CEP44: variants seen among roughly 807,000 people sequenced by gnomAD.
The protein encoded by CEP44 is centrosomal protein of 44 kDa.
In CEP44, 45 loss-of-function variants were observed where a neutral mutation model predicts 46.7. That is an observed-to-expected ratio of 0.96 (90% CI 0.76 to 1.24). The LOEUF (loss-of-function observed/expected upper bound fraction) is 1.24, where lower values mean the gene tolerates loss of function less well. Among genes scored for constraint, CEP44 ranks in the 50% most tolerant of loss-of-function variants. The probability of loss-of-function intolerance (pLI) is 0.00; values close to 1 mark genes in which losing one functional copy is unlikely to be tolerated. For missense variants in CEP44, 475 were observed against 459.7 expected, an observed-to-expected ratio of 1.03 and a Z score of -0.30; for synonymous variants, 142 against 146.0, an observed-to-expected ratio of 0.97 and a Z score of 0.20.
At chr4:174,327,154 C>T (rs938321664) in intron 8 of CEP44, among the ~76,000 whole-genome samples, 2 of 143,188 alleles carry the variant, frequency 1.4e-5, no homozygotes, top group South Asian at 2.2e-4. Context: ...TGTGTGTATA[C>T]GTGTGTGTGT....
chr4:174,316,772 C>A, intron 11 of CEP44: 5 of 404,382 alleles, frequency 1.2e-5, no homozygotes, highest in South Asian at 5.1e-5. Context: ...TTCCAACAAG[C>A]GATTTAAAAC....
chr4:174,302,227 T>G (rs1323474270), intron 4 of CEP44, 41 bp downstream of exon 4: 1 of 1,330,918 alleles, frequency 7.5e-7, no homozygotes, highest in Non-Finnish European at 1.1e-6. Context: ...AGTTATTGAA[T>G]GATTTTTAAA....
chr4:174,303,075 C>A (rs987574632), intron 4 of CEP44, among the ~76,000 whole-genome samples: 1 of 152,122 alleles, frequency 6.6e-6, no homozygotes, highest in Non-Finnish European at 1.5e-5. Flanking sequence ...CCACCGCACC[C>A]AGCCTCAAAT....
Position 174,317,394 on chromosome 4 carries a change from A to G in CEP44, c.*11A>G, listed in dbSNP as rs779956524. ...AATCACTACTTGTAGGATTTTCTAC[A>G]TGAACTTTTTTCTAGGACTTTGGTT... On this transcript the variant is annotated 3_prime_UTR_variant, in exon 12 of 12. Transcript: ENST00000503780. 3 of 1,417,026 alleles carry G rather than the reference A, an allele frequency of 2.1e-6. No homozygotes were observed. The highest frequency in any genetic ancestry group is 2.5e-5 in the East Asian group (1 of 40,076). The allele number at this position is 1,417,026 out of a possible 1,614,324, so 87.8% of individuals were successfully genotyped here. A position where few individuals can be genotyped will look rare whatever the true frequency, so the allele number is the denominator to read the frequency against.
downstream of CEP44, among the ~76,000 whole-genome samples, chr4:174,323,175 C>A (rs978134958): frequency 6.6e-6 from 1 of 151,848 alleles, no homozygotes; most frequent in Admixed American, 6.6e-5. Flanking sequence ...TCACAGATAT[C>A]ACAGGAAATT....
intron 6 of CEP44, among the ~76,000 whole-genome samples, chr4:174,307,812 C>T (rs1740605534): frequency 6.6e-6 from 1 of 152,216 alleles, no homozygotes; most frequent in African/African-American, 2.4e-5. Context: ...TGAACATCTA[C>T]TTCTGAAGAG....
rs757092840 is a variant in CEP44, at chr4:174,288,795, G to A, written c.-148+4852G>A. ...TTAAAATACTACGCTGAATAGGAGA[G>A]GCTAAAGTAGGCAACCTTGCCTTGT... is the stretch of plus-strand genomic sequence containing the variant. On this transcript the variant is annotated intron_variant, in intron 1 of 11. Coordinates refer to ENST00000503780, the MANE Select transcript of CEP44 (RefSeq NM_001040157.3). The surrounding 1 kb of genome is among the most constrained non-coding windows in gnomAD (Gnocchi z 4.6). 6.6e-6 allele frequency among the ~76,000 whole-genome samples: 1 copy of A among 152,086 alleles called. No homozygotes were observed. Among genetic ancestry groups the A allele is most frequent in the Non-Finnish European group, 1.5e-5 (1 of 67,986 alleles).
At position 174,319,627 on chromosome 4, in the gene CEP44, A is replaced by G; in HGVS notation, c.*2244A>G. On this transcript the variant is annotated 3_prime_UTR_variant, in exon 12 of 12. Transcript: ENST00000503780. ...TACAGTGTGCAAAATATAAGTAAGT[A>G]TATATTGAAAATATAAAATATTTCA... 9.1e-6 allele frequency: 6 copies of G among 658,612 alleles called. No individual in the cohort carries two copies. The highest frequency in any genetic ancestry group is 7.9e-4 in the Middle Eastern group (1 of 1,262). The allele number at this position is 658,612 out of a possible 1,614,324, so 40.8% of individuals were successfully genotyped here.
chr4:174,292,801 ATTTG>A (rs910937813), intron 1 of CEP44, among the ~76,000 whole-genome samples: 17 of 151,320 alleles, frequency 1.1e-4, no homozygotes, highest in African/African-American at 3.2e-4. Flanking sequence ...GGGTTTGTTT[ATTTG>A]TTTGTTTGTT....
In CEP44 at chr4:174,288,306, A is replaced by C. The variant is rs527711502; in HGVS notation, c.-148+4363A>C. On this transcript the variant is annotated intron_variant, in intron 1 of 11. Transcript: ENST00000503780. This position sits in a 1 kb window ranked among gnomAD's most constrained non-coding sequence, Gnocchi z 4.6. Reference sequence around the variant, plus strand: ...TTGTGATAAGAGCACTTAACATTAGATCTAACTTCTTAGCAAAATTTTAAG... The same window carrying C: ...TTGTGATAAGAGCACTTAACATTAGCTCTAACTTCTTAGCAAAATTTTAAG... Among the ~76,000 whole-genome samples, 2 of 152,260 alleles carry C rather than the reference A, an allele frequency of 1.3e-5. No homozygotes were observed. The highest frequency in any genetic ancestry group is 4.1e-4 in the South Asian group (2 of 4,824).
At chr4:174,303,331 A>G (rs1362664561) in intron 4 of CEP44, among the ~76,000 whole-genome samples, 1 of 152,168 alleles carries the variant, frequency 6.6e-6, no homozygotes, top group Non-Finnish European at 1.5e-5. Flanking sequence ...AAAATCACAT[A>G]GTGGAAGAGT....
rs772049318 is a variant in CEP44, at chr4:174,310,859, G to C, written c.961+1G>C. 8 of 1,366,440 alleles carry C rather than the reference G, an allele frequency of 5.9e-6. No individual in the cohort carries two copies. In the South Asian group the frequency reaches 1.0e-4, roughly 17 times the overall value. 84.6% of individuals were successfully genotyped at this position (1,366,440 alleles called of 1,614,324 possible). A position where few individuals can be genotyped will look rare whatever the true frequency, so the allele number is the denominator to read the frequency against. On this transcript the variant is annotated splice_donor_variant, in intron 9 of 11. Transcript: ENST00000503780. LOFTEE classifies it high-confidence loss of function. This position sits in a 1 kb window ranked among gnomAD's most constrained non-coding sequence, Gnocchi z 4.2. ...AGTGACATGGACCTTCTGAATCCTC[G>C]TAAGTTTGTAAATACTATGAGAATT... is the stretch of plus-strand genomic sequence containing the variant.
chr4:174,317,717 T>G lies in CEP44; in HGVS notation c.*334T>G. 1 of 993,472 alleles carries G rather than the reference T, an allele frequency of 1.0e-6. No individual in the cohort carries two copies. Among genetic ancestry groups the G allele is most frequent in the Non-Finnish European group, 1.2e-6 (1 of 835,008 alleles). The allele number at this position is 993,472 out of a possible 1,614,324, so 61.5% of individuals were successfully genotyped here. A position where few individuals can be genotyped will look rare whatever the true frequency, so the allele number is the denominator to read the frequency against. ...AGTAATGTTTTTTAAAGCACAGGCT[T>G]GAGGACTATGGTTTACATCCTGTTG... On this transcript the variant is annotated 3_prime_UTR_variant, in exon 12 of 12. Coordinates refer to ENST00000503780, the MANE Select transcript of CEP44 (RefSeq NM_001040157.3).
chr4:174,306,577 C>A (rs770504268), intron 6 of CEP44, among the ~76,000 whole-genome samples: 7 of 151,984 alleles, frequency 4.6e-5, no homozygotes, highest in Non-Finnish European at 1.5e-5. Flanking sequence ...TTTATCATCA[C>A]ACATAAATTA....
intron 9 of CEP44, among the ~76,000 whole-genome samples, chr4:174,313,066 A>T (rs1411359241): frequency 6.6e-6 from 1 of 152,066 alleles, no homozygotes; most frequent in Admixed American, 6.6e-5. Flanking sequence ...CAATTTGATG[A>T]TTGATGGTAA....
chr4:174,298,817 A>G (rs773278861), intron 2 of CEP44, among the ~76,000 whole-genome samples: 1 of 152,190 alleles, frequency 6.6e-6, no homozygotes, highest in East Asian at 1.9e-4. Flanking sequence ...TATAAGATAC[A>G]TTATAATAAG....
intron 9 of CEP44, among the ~76,000 whole-genome samples, chr4:174,315,069 A>G (rs1045282547): frequency 2.0e-5 from 3 of 152,140 alleles, no homozygotes; most frequent in Admixed American, 6.5e-5. Context: ...GGATGGAGCA[A>G]ATGGCAGAAG....
At position 174,317,122 on chromosome 4, in the gene CEP44, A is replaced by G. The variant is rs550649369; in HGVS notation, c.1125-213A>G. Among the ~76,000 whole-genome samples the G allele has an allele frequency of 3.5e-3, 527 of 152,152 alleles. 1 individual carries two copies. The highest frequency in any genetic ancestry group is 0.012 in the African/African-American group (500 of 41,562). ...TATAATATTATTTAGAAATGCAAAA[A>G]GTACTTAACTTACACTTCAAGAATA... is the stretch of plus-strand genomic sequence containing the variant. On this transcript the variant is annotated intron_variant, in intron 11 of 11. Coordinates refer to ENST00000503780, the MANE Select transcript of CEP44 (RefSeq NM_001040157.3).
At chr4:174,305,018 T>C (rs1740218170) in intron 6 of CEP44, among the ~76,000 whole-genome samples, 1 of 152,218 alleles carries the variant, frequency 6.6e-6, no homozygotes. Context: ...AAGACTCTGA[T>C]TGAATGATAG....
Sources: gnomAD v4.1 joint callset for allele counts (sites outside exome capture counted in the v4.1 genomes callset) on GRCh38, gnomAD v4.1.1 for gene constraint, Gnocchi (gnomAD v3.1) non-coding constraint, MANE v1.5 for transcripts, NCBI Gene and HGNC (gene_info 2026-07-23, HGNC 2026-07-21) for gene names.